The following CDH13 variants were observed in gnomAD, a reference collection of about 807,000 sequenced individuals.
CDH13 encodes cadherin 13.
A neutral mutation model predicts 63.8 loss-of-function variants in CDH13; 24 were observed. The ratio of observed to expected loss-of-function variants is 0.38; its 90% CI spans 0.27 to 0.53. The LOEUF (loss-of-function observed/expected upper bound fraction) is 0.53, where lower values mean the gene tolerates loss of function less well. Among genes scored for constraint, CDH13 ranks in the 20% least tolerant of loss-of-function variants. The pLI is 0.85. For missense variants in CDH13, 1,049 were observed against 903.1 expected (o/e 1.16, Z -2.07); for synonymous variants, 503 against 355.3 (o/e 1.42, Z -4.67).
At chr16:82,865,769 A>G (rs1362986027) in intron 2 of CDH13, among the ~76,000 whole-genome samples, 2 of 152,170 alleles carry the variant, frequency 1.3e-5, no homozygotes, top group African/African-American at 4.8e-5. Context: ...TATTTCTGCA[A>G]ATTTCTGTAG....
chr16:83,547,879 A>G (rs770645817), intron 7 of CDH13, among the ~76,000 whole-genome samples: 15 of 152,168 alleles, frequency 9.9e-5, no homozygotes, highest in Non-Finnish European at 1.8e-4. Context: ...TGCAGAAGCT[A>G]TCCTGGGGCA....
chr16:82,634,460 G>A (rs975979169), intron 1 of CDH13, among the ~76,000 whole-genome samples: 2 of 152,208 alleles, frequency 1.3e-5, no homozygotes, highest in African/African-American at 4.8e-5. Flanking sequence ...ACTGCCCGGA[G>A]TATCCCTCCT....
intron 11 of CDH13, among the ~76,000 whole-genome samples, chr16:83,754,757 C>T (rs1053590512): frequency 2.0e-5 from 3 of 152,156 alleles, no homozygotes; most frequent in African/African-American, 7.2e-5. Flanking sequence ...TGAGGTTTCC[C>T]CAGCCATGTG....
intron 10 of CDH13, chr16:83,740,065 G>A (rs1322103928): frequency 1.3e-5 from 2 of 152,092 alleles, no homozygotes; most frequent in African/African-American, 2.4e-5. Context: ...AGACTTATCC[G>A]ATGAGGCAAG....
At chr16:83,092,427 A>G (rs1597320439) in intron 3 of CDH13, among the ~76,000 whole-genome samples, 1 of 152,234 alleles carries the variant, frequency 6.6e-6, no homozygotes, top group African/African-American at 2.4e-5. Flanking sequence ...TGATTAAAAC[A>G]AGGCAGATGC....
At chr16:83,518,494 A>G (rs537268624) in intron 7 of CDH13, among the ~76,000 whole-genome samples, 1 of 134,554 alleles carries the variant, frequency 7.4e-6, no homozygotes, top group African/African-American at 2.8e-5. Context: ...TTTTTTTGAG[A>G]CGGAGTCTGG....
Position 82,817,212 on chromosome 16 carries a change from C to T in CDH13, c.46-41150C>T, listed in dbSNP as rs564471091. 2.6e-5 allele frequency among the ~76,000 whole-genome samples: 4 copies of T among 152,230 alleles called. No homozygotes were observed. The East Asian group carries it at 7.7e-4, about 29-fold the overall frequency. On this transcript the variant is annotated intron_variant, in intron 1 of 13. Transcript: ENST00000567109. ...CCTGTTCCTTTTTCTGACCATGTCT[C>T]TGGACTTGGAGAAGGTTTTCTCTCA...
rs2039571947 is a variant in CDH13 at position 83,217,504 on chromosome 16, A to T, written c.636+7A>T. The T allele has an allele frequency of 1.2e-6, 2 of 1,611,110 alleles. No homozygotes were observed. Among genetic ancestry groups the T allele is most frequent in the Non-Finnish European group, 1.7e-6 (2 of 1,177,976 alleles). ...AGTAATCGCTGTTTATCAAGTGAGT[A>T]CCCCTCTCCCATGCCCACCCTGTGC... On this transcript the variant is annotated splice_region_variant and intron_variant, in intron 5 of 13. Transcript: ENST00000567109.
intron 10 of CDH13, among the ~76,000 whole-genome samples, chr16:83,734,257 TGGTCTG>T (rs1911315342): frequency 6.6e-6 from 1 of 152,204 alleles, no homozygotes; most frequent in Non-Finnish European, 1.5e-5. Context: ...ACCAGGGGTT[TGGTCTG>T]GGTCCTGCTG....
At position 83,464,668 on chromosome 16, in the gene CDH13, A is replaced by G. The variant is rs555552542; in HGVS notation, c.782-21809A>G. The stretch of plus-strand genomic sequence containing the variant: ...AGCCACCACACCTGGCCCTCCTCTT[A>G]TTACAAGGATACCCCAAGGCTGGAC... On this transcript the variant is annotated intron_variant, in intron 6 of 13. Coordinates refer to ENST00000567109, the MANE Select transcript of CDH13 (RefSeq NM_001257.5). 6.6e-5 allele frequency among the ~76,000 whole-genome samples: 10 copies of G among 152,128 alleles called. No homozygotes were observed. The South Asian group carries it at 1.7e-3, about 25-fold the overall frequency.
At chr16:83,321,627 C>G (rs1156507574) in intron 5 of CDH13, among the ~76,000 whole-genome samples, 1 of 142,026 alleles carries the variant, frequency 7.0e-6, no homozygotes, top group Non-Finnish European at 1.5e-5. Flanking sequence ...ATCCTGGGTT[C>G]ACAACATTCT....
chr16:83,285,917 C>A (rs1336329458), intron 5 of CDH13, among the ~76,000 whole-genome samples: 1 of 152,250 alleles, frequency 6.6e-6, no homozygotes, highest in East Asian at 1.9e-4. Context: ...AGGGTGTGGA[C>A]CAAAGAAACA....
At chr16:83,148,795 T>G (rs891436352) in intron 4 of CDH13, among the ~76,000 whole-genome samples, 1 of 152,214 alleles carries the variant, frequency 6.6e-6, no homozygotes, top group Admixed American at 6.5e-5. Flanking sequence ...CTAATATTTA[T>G]CCTCAAAGAC....
chr16:83,093,933 A>G (rs1409959909), intron 3 of CDH13, among the ~76,000 whole-genome samples: 1 of 152,240 alleles, frequency 6.6e-6, no homozygotes, highest in African/African-American at 2.4e-5. Flanking sequence ...TGAAAAGGTT[A>G]AGCAAGCGAG....
At chr16:83,153,054 C>G (rs1219827562) in intron 4 of CDH13, among the ~76,000 whole-genome samples, 1 of 152,166 alleles carries the variant, frequency 6.6e-6, no homozygotes, top group Non-Finnish European at 1.5e-5. Context: ...GCCAACTTCT[C>G]AAGACAGGGG....
chr16:83,437,912 A>G (rs1445348450), intron 6 of CDH13, among the ~76,000 whole-genome samples: 64 of 151,810 alleles, frequency 4.2e-4, no homozygotes, highest in Admixed American at 4.2e-3. Context: ...TTATCGCCCA[A>G]CTCTCTTCCT....
chr16:83,314,198 G>T (rs1285274810), intron 5 of CDH13, among the ~76,000 whole-genome samples: 1 of 152,038 alleles, frequency 6.6e-6, no homozygotes, highest in Non-Finnish European at 1.5e-5. Flanking sequence ...AACACACTTT[G>T]GGAAACGGAC....
intron 1 of CDH13, among the ~76,000 whole-genome samples, chr16:82,649,621 T>C (rs140390816): frequency 1.3e-3 from 194 of 152,056 alleles, no homozygotes; most frequent in African/African-American, 4.5e-3. Context: ...ATGGCATGTA[T>C]GAGCTTAAAA....
At chr16:82,968,489 C>A (rs1908197911) in intron 2 of CDH13, among the ~76,000 whole-genome samples, 1 of 152,170 alleles carries the variant, frequency 6.6e-6, no homozygotes, top group Admixed American at 6.5e-5. Context: ...CATGGCCCTG[C>A]CAGCGGCTTG....
Sources: allele counts gnomAD v4.1 joint callset (sites outside exome capture counted in the v4.1 genomes callset), GRCh38; gene constraint gnomAD v4.1.1; transcripts MANE v1.5; gene names NCBI Gene and HGNC (gene_info 2026-07-23, HGNC 2026-07-21).